The following TMEM132C variants were observed in gnomAD, a reference collection of about 807,000 sequenced individuals.
The protein encoded by TMEM132C is transmembrane protein 132C, also known as protein phosphatase 1, regulatory subunit 152.
Under a neutral mutation model 61.4 loss-of-function variants are expected in TMEM132C, and 29 were observed. The ratio of observed to expected loss-of-function variants is 0.47; its 90% CI spans 0.35 to 0.64. TMEM132C has a LOEUF of 0.64. Ranked by LOEUF, TMEM132C falls within the 30% of genes least tolerant of loss-of-function variation. TMEM132C has a pLI of 0.00. For synonymous variants in TMEM132C, 656 were observed against 633.1 expected (o/e 1.04, Z -0.54); for missense variants, 1,408 against 1,476.9 (o/e 0.95, Z 0.76).
intron 2 of TMEM132C, among the ~76,000 whole-genome samples, chr12:128,433,586 T>A (rs188026683): frequency 6.6e-6 from 1 of 152,286 alleles, no homozygotes; most frequent in East Asian, 1.9e-4. Flanking sequence ...ATTAGATAAG[T>A]TTTCCTAAAC....
chr12:128,577,696 C>A (rs1875166982), intron 3 of TMEM132C, among the ~76,000 whole-genome samples: 1 of 152,230 alleles, frequency 6.6e-6, no homozygotes, highest in African/African-American at 2.4e-5. Flanking sequence ...GGCTATTGAT[C>A]TTTTAAAAGT....
At chr12:128,525,818 A>C (rs1379784) in intron 2 of TMEM132C, among the ~76,000 whole-genome samples, 143,833 of 152,238 alleles carry the variant, frequency 0.94, 68,416 homozygotes, top group East Asian at 1. Context: ...GCAGCAGTGC[A>C]ATTGGCTGCT....
intron 1 of TMEM132C, among the ~76,000 whole-genome samples, chr12:128,390,783 G>A (rs774071120): frequency 1.4e-4 from 21 of 152,162 alleles, no homozygotes; most frequent in Admixed American, 3.9e-4. Context: ...GAGCGAAGCC[G>A]GGAGCCCAAG....
At chr12:128,617,597 G>T (rs1428350182) in intron 4 of TMEM132C, among the ~76,000 whole-genome samples, 3 of 152,126 alleles carry the variant, frequency 2.0e-5, no homozygotes, top group Non-Finnish European at 2.9e-5. Flanking sequence ...ATCAAGTGGG[G>T]CAGATGCAGA....
chr12:128,456,028 T>C (rs1870327579), intron 2 of TMEM132C, among the ~76,000 whole-genome samples: 1 of 152,188 alleles, frequency 6.6e-6, no homozygotes, highest in Non-Finnish European at 1.5e-5. Flanking sequence ...CTTTGCTCTA[T>C]TTGGAGTAAA....
At chr12:128,691,922 CATCT>C (rs1046163606) in intron 5 of TMEM132C, among the ~76,000 whole-genome samples, 2 of 150,268 alleles carry the variant, frequency 1.3e-5, no homozygotes, top group African/African-American at 5.0e-5. Context: ...CCCATCAGTT[CATCT>C]ATCTATCCAG....
At chr12:128,466,533 T>C (rs1009738373) in intron 2 of TMEM132C, among the ~76,000 whole-genome samples, 5 of 152,158 alleles carry the variant, frequency 3.3e-5, no homozygotes, top group Admixed American at 6.5e-5. Context: ...CTACACTTTT[T>C]TCTTCTTTGG....
chr12:128,354,522 C>G (rs943243736), intron 1 of TMEM132C, among the ~76,000 whole-genome samples: 1 of 151,038 alleles, frequency 6.6e-6, no homozygotes, highest in East Asian at 1.9e-4. Flanking sequence ...CTTCTTCTCT[C>G]TCTCTTTGCC....
At chr12:128,394,943 T>G (rs1320832742) in intron 1 of TMEM132C, among the ~76,000 whole-genome samples, 1 of 149,392 alleles carries the variant, frequency 6.7e-6, no homozygotes, top group Non-Finnish European at 1.5e-5. Context: ...CTAAAACACA[T>G]GTGACCATCC....
intron 1 of TMEM132C, among the ~76,000 whole-genome samples, chr12:128,347,530 G>C (rs1873206801): frequency 6.6e-6 from 1 of 151,980 alleles, no homozygotes; most frequent in Non-Finnish European, 1.5e-5. Context: ...CCAGGTTCAA[G>C]TGATTCTCCT....
chr12:128,363,257 A>G lies in TMEM132C; in HGVS notation c.86-51475A>G, dbSNP rs371029768. Among the ~76,000 whole-genome samples the G allele has an allele frequency of 2.6e-5, 4 of 152,252 alleles. No homozygotes were observed. The East Asian group carries it at 5.8e-4, about 22-fold the overall frequency. ...AGGCAGATCAAATGCAATTATTTTC[A>G]TAACTGTCACTTTTCAAAAGAAAGT... On this transcript the variant is annotated intron_variant, in intron 1 of 8. Transcript: ENST00000435159.
At chr12:128,554,967 AC>A (rs2136158423) in intron 3 of TMEM132C, among the ~76,000 whole-genome samples, 1 of 152,244 alleles carries the variant, frequency 6.6e-6, no homozygotes, top group Admixed American at 6.5e-5. Flanking sequence ...ACTGGGATCC[AC>A]ACACTTCCAT....
chr12:128,437,115 G>T (rs1412902237), intron 2 of TMEM132C, among the ~76,000 whole-genome samples: 1 of 152,094 alleles, frequency 6.6e-6, no homozygotes, highest in Non-Finnish European at 1.5e-5. Flanking sequence ...TTGGACACAG[G>T]GCGGGGAACA....
intron 3 of TMEM132C, among the ~76,000 whole-genome samples, chr12:128,569,073 G>C (rs1336576712): frequency 6.6e-6 from 1 of 152,172 alleles, no homozygotes; most frequent in African/African-American, 2.4e-5. Flanking sequence ...CATTCCATGA[G>C]AGATACTGAA....
chr12:128,622,572 A>G (rs1462447889), intron 4 of TMEM132C, among the ~76,000 whole-genome samples: 1 of 151,258 alleles, frequency 6.6e-6, no homozygotes, highest in Non-Finnish European at 1.5e-5. Flanking sequence ...TGCTAAATTC[A>G]GAGACCCGGA....
intron 2 of TMEM132C, among the ~76,000 whole-genome samples, chr12:128,454,660 A>G (rs892619387): frequency 6.6e-6 from 1 of 152,214 alleles, no homozygotes; most frequent in African/African-American, 2.4e-5. Flanking sequence ...GAGCGCTTAT[A>G]TGGCTTGGAG....
chr12:128,333,152 A>G (rs1254177976), intron 1 of TMEM132C, among the ~76,000 whole-genome samples: 2 of 151,132 alleles, frequency 1.3e-5, no homozygotes, highest in Non-Finnish European at 3.0e-5. Context: ...GTGTGCATGT[A>G]TGTGTGTTGT....
intron 1 of TMEM132C, among the ~76,000 whole-genome samples, chr12:128,268,316 C>T (rs1870386085): frequency 6.6e-6 from 1 of 152,218 alleles, no homozygotes; most frequent in African/African-American, 2.4e-5. Flanking sequence ...GTTTTTCCGA[C>T]CTTTTTTATT....
chr12:128,457,167 T>C (rs560177769), intron 2 of TMEM132C, among the ~76,000 whole-genome samples: 41 of 152,210 alleles, frequency 2.7e-4, no homozygotes, highest in Non-Finnish European at 4.6e-4. Flanking sequence ...GCTCATAGGG[T>C]AAGCAAGCAT....
Sources: gnomAD v4.1 joint callset for allele counts (sites outside exome capture counted in the v4.1 genomes callset) on GRCh38, gnomAD v4.1.1 for gene constraint, MANE v1.5 for transcripts, NCBI Gene and HGNC (gene_info 2026-07-23, HGNC 2026-07-21) for gene names.